CRADD: variants seen among roughly 807,000 people sequenced by gnomAD.
CRADD encodes the protein death domain-containing protein CRADD.
In CRADD, 9 loss-of-function variants were observed where a neutral mutation model predicts 15.5. The ratio of observed to expected loss-of-function variants is 0.58; its 90% CI spans 0.35 to 1.01. The LOEUF (loss-of-function observed/expected upper bound fraction) is 1.01, where lower values mean the gene tolerates loss of function less well. CRADD is among the 50% of genes least tolerant of loss of function. CRADD has a pLI of 0.02. For synonymous variants in CRADD, 118 were observed against 107.6 expected, an observed-to-expected ratio of 1.10 and a Z score of -0.60; for missense variants, 227 against 250.3, an observed-to-expected ratio of 0.91 and a Z score of 0.63.
chr12:93,892,726 C>G (rs1367998760), intron 2 of CRADD, among the ~76,000 whole-genome samples: 1 of 152,066 alleles, frequency 6.6e-6, no homozygotes, highest in Non-Finnish European at 1.5e-5. Flanking sequence ...AGCCTTGTTT[C>G]TGGAAGGGAT....
At chr12:93,869,892 A>T (rs1334232156) in intron 2 of CRADD, among the ~76,000 whole-genome samples, 1 of 152,164 alleles carries the variant, frequency 6.6e-6, no homozygotes, top group Non-Finnish European at 1.5e-5. Context: ...TTGGCTGAAA[A>T]TTTTCCAAAT....
intron 2 of CRADD, among the ~76,000 whole-genome samples, chr12:93,750,655 T>C (rs1956819153): frequency 6.6e-6 from 1 of 152,222 alleles, no homozygotes; most frequent in African/African-American, 2.4e-5. Context: ...AATTTACTGT[T>C]TTCATTAATG....
chr12:93,743,949 G>T (rs1331713460), intron 2 of CRADD, among the ~76,000 whole-genome samples: 2 of 151,766 alleles, frequency 1.3e-5, no homozygotes, highest in African/African-American at 2.4e-5. Flanking sequence ...GTAATTTATT[G>T]TGCTTTAGCT....
chr12:93,863,464 G>A (rs976985118), intron 2 of CRADD, among the ~76,000 whole-genome samples: 13 of 152,004 alleles, frequency 8.6e-5, no homozygotes, highest in East Asian at 3.8e-4. Flanking sequence ...ATACCCGAAC[G>A]TAGCTTGTTT....
chr12:93,748,230 C>T (rs922774308), intron 2 of CRADD, among the ~76,000 whole-genome samples: 3 of 152,142 alleles, frequency 2.0e-5, no homozygotes, highest in African/African-American at 7.2e-5. Flanking sequence ...TCCTTGTCTC[C>T]CTGAACTCTG....
chr12:93,715,267 A>G (rs1156696536), intron 2 of CRADD, among the ~76,000 whole-genome samples: 1 of 152,204 alleles, frequency 6.6e-6, no homozygotes, highest in Non-Finnish European at 1.5e-5. Flanking sequence ...TGACTTCATC[A>G]GCAAAGAAGA....
chr12:93,689,466 A>C (rs560480470), intron 2 of CRADD, among the ~76,000 whole-genome samples: 10 of 152,322 alleles, frequency 6.6e-5, no homozygotes, highest in African/African-American at 2.4e-4. Flanking sequence ...AAAAGAAAAA[A>C]AGGTATGTTG....
intron 2 of CRADD, among the ~76,000 whole-genome samples, chr12:93,792,608 A>G (rs981802934): frequency 1.3e-5 from 2 of 152,220 alleles, no homozygotes; most frequent in African/African-American, 2.4e-5. Context: ...GAATTGTTGT[A>G]GTGGATATAG....
intron 2 of CRADD, among the ~76,000 whole-genome samples, chr12:93,797,504 C>T (rs909448792): frequency 2.6e-5 from 4 of 152,042 alleles, no homozygotes; most frequent in South Asian, 2.1e-4. Context: ...AATGTTAAGA[C>T]GGGTTTTGGG....
Position 93,890,781 on chromosome 12 carries a change from CAG to C in CRADD, c.299-3266_299-3265del, listed in dbSNP as rs568662563. Among the ~76,000 whole-genome samples, 3 of 143,148 alleles carry C rather than the reference CAG, an allele frequency of 2.1e-5. No homozygotes were observed. The South Asian group carries it at 6.7e-4, about 32-fold the overall frequency. 93.9% of individuals were successfully genotyped at this position (143,148 alleles called of 152,430 possible). On this transcript the variant is annotated intron_variant, in intron 2 of 2. Coordinates refer to the CRADD transcript ENST00000548483. The stretch of plus-strand genomic sequence containing the variant: ...TTTCTTTCTTTTTTTTTTTTTGAGA[CAG>C]AGTCTCCCTCTGTCACCCAGGCTAG...
At chr12:93,726,094 G>GTTTTTTTTT (rs1165429350) in intron 2 of CRADD, among the ~76,000 whole-genome samples, 5 of 96,010 alleles carry the variant, frequency 5.2e-5, no homozygotes, top group Non-Finnish European at 8.1e-5. Flanking sequence ...AAATAGTTTA[G>GTTTTTTTTT]TTTTTTTTTT....
chr12:93,711,054 C>CCCCCCTT (rs1565882247), intron 2 of CRADD, among the ~76,000 whole-genome samples: 1 of 63,308 alleles, frequency 1.6e-5, no homozygotes, highest in Non-Finnish European at 3.4e-5. Context: ...CCCACCCCCG[C>CCCCCCTT]CTTTTTTTTT....
At chr12:93,856,931 T>C (rs1958279587) in intron 2 of CRADD, among the ~76,000 whole-genome samples, 1 of 152,232 alleles carries the variant, frequency 6.6e-6, no homozygotes, top group Non-Finnish European at 1.5e-5. Context: ...TTCTTGGAAC[T>C]ATAAACAAAG....
chr12:93,859,548 T>G, intron 2 of CRADD: 1 of 326,426 alleles, frequency 3.1e-6, no homozygotes, highest in Non-Finnish European at 6.0e-6. Flanking sequence ...AGGGAGAACA[T>G]TTATTAATGA....
intron 2 of CRADD, among the ~76,000 whole-genome samples, chr12:93,753,830 A>G (rs1191252388): frequency 2.0e-5 from 3 of 152,102 alleles, no homozygotes; most frequent in Admixed American, 6.5e-5. Flanking sequence ...TTGAGTGTCT[A>G]TGGCTTTTCC....
intron 2 of CRADD, among the ~76,000 whole-genome samples, chr12:93,865,824 A>ATT (rs11378803): frequency 2.0e-5 from 3 of 151,740 alleles, no homozygotes; most frequent in South Asian, 2.1e-4. Flanking sequence ...TTGTATTGTT[A>ATT]TTTTTTTCAG....
intron 2 of CRADD, among the ~76,000 whole-genome samples, chr12:93,711,055 C>CCCCCCCCCTTTTTTTTTTT: frequency 2.3e-5 from 1 of 43,508 alleles, no homozygotes; most frequent in Non-Finnish European, 4.4e-5. Context: ...CCACCCCCGC[C>CCCCCCCCCTTTTTTTTTTT]TTTTTTTTTT....
intron 2 of CRADD, among the ~76,000 whole-genome samples, chr12:93,877,397 C>G (rs368358530): frequency 1.2e-4 from 18 of 152,380 alleles, no homozygotes; most frequent in African/African-American, 3.6e-4. Context: ...CCAGCCAGGC[C>G]TGTGACCTTC....
intron 2 of CRADD, among the ~76,000 whole-genome samples, chr12:93,726,382 G>A (rs572154796): frequency 2.0e-5 from 3 of 152,026 alleles, no homozygotes; most frequent in African/African-American, 7.2e-5. Flanking sequence ...GGGATTATAG[G>A]CATAAGCCCC....
Sources: allele counts gnomAD v4.1 joint callset (sites outside exome capture counted in the v4.1 genomes callset), GRCh38; gene constraint gnomAD v4.1.1; transcripts MANE v1.5; gene names NCBI Gene and HGNC (gene_info 2026-07-23, HGNC 2026-07-21).